Variants in RPS6KA1 observed in about 807,000 individuals in gnomAD.
The protein encoded by RPS6KA1 is ribosomal protein S6 kinase A1.
RPS6KA1 carries 48 observed loss-of-function variants against 91.3 expected under a neutral mutation model. That is an observed-to-expected ratio of 0.53 (90% CI 0.42 to 0.67). The LOEUF is 0.67. Ranked by LOEUF, RPS6KA1 falls within the 30% of genes least tolerant of loss-of-function variation. RPS6KA1 has a pLI of 0.00. For synonymous variants in RPS6KA1, 359 were observed against 384.7 expected, an observed-to-expected ratio of 0.93 and a Z score of 0.78; for missense variants, 719 against 960.5, an observed-to-expected ratio of 0.75 and a Z score of 3.32.
At chr1:26,535,490 C>T (rs2075899715) in intron 1 of RPS6KA1, among the ~76,000 whole-genome samples, 1 of 152,220 alleles carries the variant, frequency 6.6e-6, no homozygotes, top group Admixed American at 6.5e-5. Flanking sequence ...CCACACTCTC[C>T]CTGTTCTAGG....
chr1:26,530,680 G>A (rs2075861007), intron 1 of RPS6KA1: 1 of 1,177,318 alleles, frequency 8.5e-7, no homozygotes, highest in Non-Finnish European at 1.1e-6. Context: ...GAAGGGCTGG[G>A]CCCTTGGGGA....
chr1:26,565,040 A>G (rs2076187072), intron 17 of RPS6KA1, among the ~76,000 whole-genome samples: 1 of 152,206 alleles, frequency 6.6e-6, no homozygotes, highest in African/African-American at 2.4e-5. Flanking sequence ...AGGGATGTGC[A>G]AAGCTCCAAG....
chr1:26,546,677 C>A (rs1459363773), intron 2 of RPS6KA1, among the ~76,000 whole-genome samples, 190 bp from the exon 3 acceptor site: 3 of 152,224 alleles, frequency 2.0e-5, no homozygotes, highest in Non-Finnish European at 4.4e-5. Context: ...GGTGCCTGTT[C>A]TGGTTTGACC....
Position 26,557,065 on chromosome 1 carries a change from A to G in RPS6KA1, c.1049A>G (p.Tyr350Cys). The G allele has an allele frequency of 3.1e-6, 5 of 1,614,046 alleles. No homozygotes were observed. The highest frequency in any genetic ancestry group is 4.2e-6 in the Non-Finnish European group (5 of 1,179,988). Residue 350 changes from tyrosine (Y) to cysteine (C), a missense_variant, in exon 13 of 22, where the codon TAC becomes TGC. Physicochemically the swap from Tyr to Cys is radical, Grantham distance 194. Transcript: ENST00000374168. ...GTGGCTCAGCCTGATGACACCTTCT[A>G]CTTTGACACCGAGTTCACGTCCCGC... ...PAVAQPDDTF[Y>C]FDTEFTSRTP...
At chr1:26,556,512 G>T (rs933345291) in intron 11 of RPS6KA1, 142 bp from the exon 12 acceptor site, 9 of 780,154 alleles carry the variant, frequency 1.2e-5, no homozygotes, top group African/African-American at 1.0e-4. Context: ...GGTGATGGCT[G>T]GGTAGATTTG....
chr1:26,570,526 A>G (rs1484655621), intron 17 of RPS6KA1, among the ~76,000 whole-genome samples: 1 of 152,070 alleles, frequency 6.6e-6, no homozygotes, highest in Non-Finnish European at 1.5e-5. Flanking sequence ...TGTGGGGAGG[A>G]GAAGAATGAA....
Position 26,529,980 on chromosome 1 carries a change from G to C in RPS6KA1, c.60G>C (p.Pro20=), listed in dbSNP as rs764508051. 1.4e-6 allele frequency: 2 copies of C among 1,407,506 alleles called. No individual in the cohort carries two copies. Among genetic ancestry groups the C allele is most frequent in the African/African-American group, 1.5e-5 (1 of 66,608 alleles). 87.2% of individuals were successfully genotyped at this position (1,407,506 alleles called of 1,614,324 possible). The change falls in exon 1 of 22, where the codon CCG becomes CCC. Residue 20 remains proline, a synonymous_variant. Transcript: ENST00000374168. This position sits in a 1 kb window ranked among gnomAD's most constrained non-coding sequence, Gnocchi z 4.2. ...TCATGGAGCTAGTGCCTCTGGACCC[G>C]GAGGTGAGTGAGCGGGGCGGGGGAC... ...WPLMELVPLD[P]ENGQTSGEEA...
intron 2 of RPS6KA1, among the ~76,000 whole-genome samples, chr1:26,539,006 C>G (rs941279946): frequency 6.6e-6 from 1 of 152,210 alleles, no homozygotes; most frequent in Non-Finnish European, 1.5e-5. Context: ...AAAATGAAGT[C>G]AATATCCCCC....
rs1349800635 is a variant in RPS6KA1 at position 26,529,841 on chromosome 1, G to T, written c.-80G>T. 4 of 1,125,974 alleles carry T rather than the reference G, an allele frequency of 3.6e-6. No individual in the cohort carries two copies. The highest frequency in any genetic ancestry group is 3.3e-5 in the African/African-American group (2 of 60,378). The allele number at this position is 1,125,974 out of a possible 1,614,324, so 69.7% of individuals were successfully genotyped here. A position where few individuals can be genotyped will look rare whatever the true frequency, so the allele number is the denominator to read the frequency against. ...TCGGGGGGGCGCGGCGGTTCGGGTC[G>T]CAGAGCCAGGGACCCCAGGACCCGG... On this transcript the variant is annotated 5_prime_UTR_variant, in exon 1 of 22. Coordinates refer to ENST00000374168, the MANE Select transcript of RPS6KA1 (RefSeq NM_002953.4). This position sits in a 1 kb window ranked among gnomAD's most constrained non-coding sequence, Gnocchi z 4.2.
In RPS6KA1 at chr1:26,529,938, C is replaced by G; in HGVS notation, c.18C>G (p.Leu6=). ...GCGGCGAGATGCCGCTCGCCCAGCT[C>G]AAGGAGCCCTGGCCGCTCATGGAGC... The part of the protein sequence containing the change: MPLAQ[L]KEPWPLMELV... Residue 6 remains leucine (L), a synonymous_variant, in exon 1 of 22, where the codon CTC becomes CTG. Transcript: ENST00000374168. The surrounding 1 kb of genome is among the most constrained non-coding windows in gnomAD (Gnocchi z 4.2). 1 of 1,434,006 alleles carries G rather than the reference C, an allele frequency of 7.0e-7. No individual in the cohort carries two copies. The highest frequency in any genetic ancestry group is 9.1e-7 in the Non-Finnish European group (1 of 1,094,620). The allele number at this position is 1,434,006 out of a possible 1,614,324, so 88.8% of individuals were successfully genotyped here.
intron 13 of RPS6KA1, 82 bp downstream of exon 13, chr1:26,557,182 T>C: frequency 9.0e-7 from 1 of 1,112,602 alleles, no homozygotes; most frequent in Non-Finnish European, 1.3e-6. Flanking sequence ...GGGGCAGAGA[T>C]AGTCAGGGAC....
chr1:26,562,185 C>T (rs577996680), intron 17 of RPS6KA1, among the ~76,000 whole-genome samples: 1 of 152,178 alleles, frequency 6.6e-6, no homozygotes, highest in Admixed American at 6.5e-5. Flanking sequence ...GCCTGGGCAA[C>T]AGAGCGAAAC....
At chr1:26,568,441 G>C (rs1000766896) in intron 17 of RPS6KA1, among the ~76,000 whole-genome samples, 13 of 152,248 alleles carry the variant, frequency 8.5e-5, no homozygotes, top group Non-Finnish European at 1.5e-4. Context: ...TGTTGTATTA[G>C]GGTAGGAAAA....
intron 12 of RPS6KA1, 85 bp downstream of exon 12, chr1:26,556,803 C>T: frequency 7.3e-6 from 11 of 1,501,240 alleles, no homozygotes; most frequent in Non-Finnish European, 1.0e-5. Context: ...GAGCCTCTGC[C>T]AGCGAGGGCC....
At chr1:26,553,330 CA>C in intron 6 of RPS6KA1, 60 bp from the exon 7 acceptor site, 1 of 1,193,774 alleles carries the variant, frequency 8.4e-7, no homozygotes, top group South Asian at 1.2e-5. Flanking sequence ...GCTGACTGCC[CA>C]GTGCCCCAGC....
At chr1:26,569,560 T>A (rs545332652) in intron 17 of RPS6KA1, among the ~76,000 whole-genome samples, 3 of 152,328 alleles carry the variant, frequency 2.0e-5, no homozygotes, top group Admixed American at 2.0e-4. Context: ...TGCTGGGCCA[T>A]GTCTACCTAC....
intron 17 of RPS6KA1, among the ~76,000 whole-genome samples, chr1:26,568,498 C>T (rs1225400473): frequency 6.6e-6 from 1 of 152,188 alleles, no homozygotes; most frequent in Non-Finnish European, 1.5e-5. Context: ...CCTGTAATCC[C>T]AGCACTTTGG....
chr1:26,551,355 G>T lies in RPS6KA1; in HGVS notation c.308-42G>T, dbSNP rs779255190. ...GCGGGGGCTTGGGAGTGGCTGTGTT[G>T]AGTGTCTAGGCTACTGGTGACTTCC... On this transcript the variant is annotated intron_variant, in intron 4 of 21. Transcript: ENST00000374168. This position sits in a 1 kb window ranked among gnomAD's most constrained non-coding sequence, Gnocchi z 4.5. The T allele has an allele frequency of 1.3e-5, 21 of 1,573,482 alleles. No homozygotes were observed. The highest frequency in any genetic ancestry group is 1.8e-5 in the Non-Finnish European group (21 of 1,143,622).
intron 17 of RPS6KA1, among the ~76,000 whole-genome samples, chr1:26,567,200 T>C (rs2076210474): frequency 1.3e-5 from 2 of 151,910 alleles, no homozygotes; most frequent in African/African-American, 4.8e-5. Flanking sequence ...TTTAAAATTT[T>C]TTTTTTGTAG....
Sources: allele counts gnomAD v4.1 joint callset (sites outside exome capture counted in the v4.1 genomes callset), GRCh38; gene constraint gnomAD v4.1.1; non-coding constraint Gnocchi (gnomAD v3.1); transcripts MANE v1.5; gene names NCBI Gene and HGNC (gene_info 2026-07-23, HGNC 2026-07-21).